The following KRIT1 variants were observed in gnomAD, a reference collection of about 807,000 sequenced individuals.
KRIT1 encodes KRIT1 ankyrin repeat containing.
In KRIT1, 45 loss-of-function variants were observed where a neutral mutation model predicts 95.8. That is an observed-to-expected ratio of 0.47 (90% CI 0.37 to 0.60). The LOEUF is 0.60. Ranked by LOEUF, KRIT1 falls within the 20% of genes least tolerant of loss-of-function variation. The pLI is 0.00. For missense variants in KRIT1, 788 were observed against 877.5 expected (o/e 0.90, Z 1.29); for synonymous variants, 282 against 278.8 (o/e 1.01, Z -0.11).
At chr7:92,245,980 G>A, upstream of KRIT1, 1 of 235,160 alleles carries the variant, frequency 4.3e-6, no homozygotes, top group Non-Finnish European at 8.4e-6. Flanking sequence ...TTCCGGGTCG[G>A]CGGCCGGGCT....
intron 17 of KRIT1, among the ~76,000 whole-genome samples, chr7:92,212,088 G>C (rs1449218472): frequency 6.6e-6 from 1 of 152,080 alleles, no homozygotes; most frequent in African/African-American, 2.4e-5. Context: ...CTGGGGAACA[G>C]AGTGAGACCC....
Position 92,211,712 on chromosome 7 carries a change from A to C in KRIT1, c.2025+1483T>G, listed in dbSNP as rs188478010. 2.1e-3 allele frequency among the ~76,000 whole-genome samples: 325 copies of C among 152,310 alleles called. 4 individuals are homozygous for C. The highest frequency in any genetic ancestry group is 7.2e-3 in the African/African-American group (300 of 41,574). On this transcript the variant is annotated intron_variant, in intron 17 of 18. Transcript: ENST00000394505. Reference sequence around the variant, plus strand: ...AAATATTTAAGGTGATGAATTTCCTAATTACCCTGATTTGATCATTACATA... The same window carrying C: ...AAATATTTAAGGTGATGAATTTCCTCATTACCCTGATTTGATCATTACATA...
At chr7:92,237,627 T>C (rs1358687396) in intron 6 of KRIT1, 40 bp downstream of exon 6, 1 of 1,182,284 alleles carries the variant, frequency 8.5e-7, no homozygotes, top group Non-Finnish European at 1.3e-6. Context: ...ACTTAGCATC[T>C]AAAGTATATA....
At chr7:92,213,610 TG>T (rs1793341987) in intron 16 of KRIT1, among the ~76,000 whole-genome samples, 1 of 152,182 alleles carries the variant, frequency 6.6e-6, no homozygotes, top group Non-Finnish European at 1.5e-5. Flanking sequence ...TCTATGTTAT[TG>T]GGTTTTAATT....
At chr7:92,217,787 T>C (rs931948938) in intron 14 of KRIT1, among the ~76,000 whole-genome samples, 3 of 152,234 alleles carry the variant, frequency 2.0e-5, no homozygotes, top group Non-Finnish European at 4.4e-5. Context: ...AGGAGTGGAA[T>C]TGCTGGATCA....
intron 7 of KRIT1, 195 bp from the exon 8 acceptor site, chr7:92,235,841 A>G (rs1015829792): frequency 3.9e-6 from 2 of 513,634 alleles, no homozygotes; most frequent in Admixed American, 3.1e-5. Context: ...TAACAAAAAA[A>G]CATGCATAAT....
chr7:92,200,732 T>C lies in KRIT1; in HGVS notation c.*4A>G. On this transcript the variant is annotated 3_prime_UTR_variant, in exon 19 of 19. Transcript: ENST00000394505. ...TGGTGGCTTGAGTAACAGTTACTTC[T>C]CTTTCATGAATTTCTTTCAGTGGGC... is the stretch of plus-strand genomic sequence containing the variant. The C allele has an allele frequency of 1.3e-6, 2 of 1,577,978 alleles. No homozygotes were observed. The highest frequency in any genetic ancestry group is 2.2e-5 in the East Asian group (1 of 44,704).
At position 92,234,867 on chromosome 7, in the gene KRIT1, T is replaced by C. The variant is rs758804410; in HGVS notation, c.786A>G (p.Lys262=). ...ATTTTTCCTGTTTAGGTATTTGGAT[T>C]TTTGAGTAGTCTGGAGCTCCTAGAC... ...YFGLGAPDYS[K]IQIPKQEKWQ... The change falls in exon 9 of 19, where the codon AAA becomes AAG. Residue 262 remains lysine (K), a synonymous_variant. Coordinates refer to ENST00000394505, the MANE Select transcript of KRIT1 (RefSeq NM_194454.3). 7 of 1,610,254 alleles carry C rather than the reference T, an allele frequency of 4.3e-6. No homozygotes were observed. The African/African-American group carries it at 9.4e-5, about 22-fold the overall frequency.
chr7:92,220,793 C>G (rs1020407314), intron 14 of KRIT1, among the ~76,000 whole-genome samples: 3 of 144,628 alleles, frequency 2.1e-5, no homozygotes, highest in African/African-American at 7.6e-5. Context: ...CTCCCAGATT[C>G]AAGCAATTCT....
chr7:92,213,033 C>T (rs1337675122), intron 17 of KRIT1, among the ~76,000 whole-genome samples, 162 bp downstream of exon 17: 11 of 152,074 alleles, frequency 7.2e-5, no homozygotes, highest in East Asian at 5.8e-4. Flanking sequence ...ATAATATTAA[C>T]GCCTTACTGA....
intron 14 of KRIT1, among the ~76,000 whole-genome samples, chr7:92,218,418 T>C (rs1287972314): frequency 6.6e-6 from 1 of 151,450 alleles, no homozygotes; most frequent in Admixed American, 6.6e-5. Flanking sequence ...TCTTGCTCTA[T>C]TACCCAGGCT....
chr7:92,212,032 G>C (rs1280079808), intron 17 of KRIT1, among the ~76,000 whole-genome samples: 1 of 152,070 alleles, frequency 6.6e-6, no homozygotes, highest in Non-Finnish European at 1.5e-5. Context: ...TTGAGTCCAT[G>C]AGTTCAAAGC....
chr7:92,231,079 A>G (rs1797186338), intron 10 of KRIT1, among the ~76,000 whole-genome samples: 1 of 152,190 alleles, frequency 6.6e-6, no homozygotes, highest in Non-Finnish European at 1.5e-5. Flanking sequence ...CTATCAGAGA[A>G]AGAAGACACT....
intron 12 of KRIT1, among the ~76,000 whole-genome samples, chr7:92,224,655 C>T (rs537136064): frequency 1.3e-5 from 2 of 151,900 alleles, no homozygotes; most frequent in East Asian, 3.9e-4. Context: ...GAGTTTATTT[C>T]CAGTTGTAAT....
Position 92,213,375 on chromosome 7 carries a change from A to G in KRIT1, c.1845T>C (p.Ser615=). Residue 615 remains serine (S), a synonymous_variant, in exon 17 of 19, where the codon AGT becomes AGC. Coordinates refer to ENST00000394505, the MANE Select transcript of KRIT1 (RefSeq NM_194454.3). ...TGCGCTGAAGGTGATGCATTTCTTT[A>G]CTGACACCTTCACTTGTACTGAGAT... ...YKNLSTSEGV[S]KEMHHLQRMF... 6.2e-7 allele frequency: 1 copy of G among 1,611,408 alleles called. No individual in the cohort carries two copies.
intron 17 of KRIT1, among the ~76,000 whole-genome samples, chr7:92,205,218 T>G (rs578003800): frequency 6.6e-6 from 1 of 152,198 alleles, no homozygotes; most frequent in African/African-American, 2.4e-5. Flanking sequence ...TGGTGGCACA[T>G]GCCTATAATC....
At chr7:92,202,959 A>G (rs983650017) in intron 17 of KRIT1, among the ~76,000 whole-genome samples, 10 of 152,338 alleles carry the variant, frequency 6.6e-5, no homozygotes, top group African/African-American at 2.2e-4. Flanking sequence ...TCTCTTTTAA[A>G]TCAATCACCT....
chr7:92,213,315 A>AT lies in KRIT1; in HGVS notation c.1904dup (p.Tyr635Ter). Residue 635 changes from tyrosine to a stop codon, truncating the protein, a stop_gained and frameshift_variant, in exon 17 of 19, where the codon TAT becomes TAAT. Coordinates refer to ENST00000394505, the MANE Select transcript of KRIT1 (RefSeq NM_194454.3). LOFTEE classifies it high-confidence loss of function. ...FLQNCWEIPTYGAAFFTGQIF... is the reference protein window; with the variant it reads ...FLQNCWEIPT ...TCTGTCCTGTGAAAAATGCTGCTCC[A>AT]TAAGTAGGAATTTCCCAGCAATTCT... The AT allele has an allele frequency of 6.2e-7, 1 of 1,613,618 alleles. No homozygotes were observed. Among genetic ancestry groups the AT allele is most frequent in the Non-Finnish European group, 8.5e-7 (1 of 1,179,572 alleles).
At chr7:92,239,288 C>G (rs1264215072) in intron 5 of KRIT1, among the ~76,000 whole-genome samples, 1 of 152,136 alleles carries the variant, frequency 6.6e-6, no homozygotes, top group Non-Finnish European at 1.5e-5. Flanking sequence ...TCTTCCATAT[C>G]CCTCTGGGTA....
Sources: gnomAD v4.1 joint callset for allele counts (sites outside exome capture counted in the v4.1 genomes callset) on GRCh38, gnomAD v4.1.1 for gene constraint, MANE v1.5 for transcripts, NCBI Gene and HGNC (gene_info 2026-07-23, HGNC 2026-07-21) for gene names.